The following CABCOCO1 variants were observed in gnomAD, a reference collection of about 807,000 sequenced individuals.
CABCOCO1 encodes ciliary associated calcium binding coiled-coil 1, also known as ciliary-associated calcium-binding coiled-coil protein 1.
In CABCOCO1, 28 loss-of-function variants were observed where a neutral mutation model predicts 35.7. The observed-to-expected ratio is 0.78, with a 90% CI of 0.58 to 1.07. CABCOCO1 has a LOEUF of 1.07. Among genes scored for constraint, CABCOCO1 ranks in the 50% least tolerant of loss-of-function variants. CABCOCO1 has a pLI of 0.00. For missense variants in CABCOCO1, 326 were observed against 309.2 expected, an observed-to-expected ratio of 1.05 and a Z score of -0.41; for synonymous variants, 95 against 100.1, an observed-to-expected ratio of 0.95 and a Z score of 0.30.
Position 61,680,685 on chromosome 10 carries a change from A to AT in CABCOCO1, c.165-457dup, listed in dbSNP as rs1839745665. 5.0e-5 allele frequency among the ~76,000 whole-genome samples: 4 copies of AT among 79,318 alleles called. 1 individual carries two copies. In the Admixed American group the frequency reaches 5.7e-4, roughly 11 times the overall value. The allele number at this position is 79,318 out of a possible 152,430, so 52.0% of individuals were successfully genotyped here. A position where few individuals can be genotyped will look rare whatever the true frequency, so the allele number is the denominator to read the frequency against. ...TACATGTATAACATATATGTTATAC[A>AT]TGTATAACATATATATGTTATACAT... On this transcript the variant is annotated intron_variant, in intron 2 of 7. Coordinates refer to ENST00000648843, the MANE Select transcript of CABCOCO1 (RefSeq NM_001366906.2).
chr10:61,729,174 C>T (rs1038397318), intron 5 of CABCOCO1, among the ~76,000 whole-genome samples: 4 of 151,996 alleles, frequency 2.6e-5, no homozygotes, highest in African/African-American at 7.3e-5. Flanking sequence ...CAGAACAATA[C>T]CTCATTAACA....
intron 7 of CABCOCO1, among the ~76,000 whole-genome samples, chr10:61,765,007 T>G (rs1842078297): frequency 6.6e-6 from 1 of 152,084 alleles, no homozygotes; most frequent in South Asian, 2.1e-4. Context: ...CTATCTAAAT[T>G]AAAATAATAA....
intron 7 of CABCOCO1, among the ~76,000 whole-genome samples, chr10:61,762,462 G>T (rs1842027474): frequency 6.6e-6 from 1 of 152,092 alleles, no homozygotes; most frequent in African/African-American, 2.4e-5. Flanking sequence ...CCAGAGGACA[G>T]GGATGCAGAA....
chr10:61,669,210 C>T (rs989962412), intron 1 of CABCOCO1, among the ~76,000 whole-genome samples: 1 of 151,482 alleles, frequency 6.6e-6, no homozygotes, highest in Non-Finnish European at 1.5e-5. Flanking sequence ...AGTTTACATT[C>T]TAGAAAGAAA....
chr10:61,700,583 T>C (rs1840422418), intron 5 of CABCOCO1, among the ~76,000 whole-genome samples: 1 of 151,888 alleles, frequency 6.6e-6, no homozygotes, highest in Non-Finnish European at 1.5e-5. Context: ...TTCCAGAGAG[T>C]GGTTTGGCAA....
chr10:61,728,394 T>C (rs963467162), intron 5 of CABCOCO1, among the ~76,000 whole-genome samples: 15 of 152,162 alleles, frequency 9.9e-5, no homozygotes, highest in Admixed American at 9.8e-4. Flanking sequence ...AGTTGGCCTG[T>C]CAGTCTTTGC....
In CABCOCO1 at chr10:61,686,191, G is replaced by A. The variant is rs559772025; in HGVS notation, c.479+6G>A. The A allele has an allele frequency of 1.3e-6, 2 of 1,540,696 alleles. No homozygotes were observed. Among genetic ancestry groups the A allele is most frequent in the East Asian group, 4.8e-5 (2 of 41,714 alleles). ...ATTGATTACTTAAAAATCAGGTATG[G>A]ATTATTTTCAGTAACATTTATTTTT... On this transcript the variant is annotated splice_donor_region_variant and intron_variant, in intron 4 of 7. Transcript: ENST00000648843.
intron 1 of CABCOCO1, among the ~76,000 whole-genome samples, chr10:61,671,415 G>T (rs1048956365): frequency 2.0e-5 from 3 of 152,082 alleles, no homozygotes; most frequent in South Asian, 2.1e-4. Context: ...GCTAAAACTA[G>T]ACTCTATTCA....
intron 5 of CABCOCO1, among the ~76,000 whole-genome samples, chr10:61,700,968 T>C (rs1564540335): frequency 9.4e-6 from 1 of 106,872 alleles, no homozygotes; most frequent in Non-Finnish European, 1.9e-5. Context: ...TACATACATG[T>C]ATACATATAC....
intron 5 of CABCOCO1, among the ~76,000 whole-genome samples, chr10:61,735,867 C>A (rs76988224): frequency 0.052 from 7,938 of 152,166 alleles, 737 homozygotes; most frequent in African/African-American, 0.18. Context: ...AGCTGAATCA[C>A]CTGAAGCGCT....
At chr10:61,676,713 A>C (rs576147844) in intron 2 of CABCOCO1, among the ~76,000 whole-genome samples, 1 of 152,178 alleles carries the variant, frequency 6.6e-6, no homozygotes, top group African/African-American at 2.4e-5. Flanking sequence ...AAAGTAACCT[A>C]TAGAGGACAT....
intron 5 of CABCOCO1, among the ~76,000 whole-genome samples, chr10:61,757,662 A>G (rs1841924905): frequency 6.7e-6 from 1 of 150,082 alleles, no homozygotes; most frequent in South Asian, 2.1e-4. Flanking sequence ...GGGAAGTTCC[A>G]AGTTTCCAAG....
At chr10:61,758,769 G>T (rs893996486) in intron 5 of CABCOCO1, among the ~76,000 whole-genome samples, 2 of 151,940 alleles carry the variant, frequency 1.3e-5, no homozygotes, top group Non-Finnish European at 2.9e-5. Flanking sequence ...GTTAGGACAC[G>T]TTGGGGCTTC....
chr10:61,757,700 GACACAC>G (rs67841126), intron 5 of CABCOCO1, among the ~76,000 whole-genome samples: 1 of 147,770 alleles, frequency 6.8e-6, no homozygotes, highest in Non-Finnish European at 1.5e-5. Flanking sequence ...CACACACACA[GACACAC>G]ACACACACAC....
chr10:61,727,599 G>C (rs1841189125), intron 5 of CABCOCO1, among the ~76,000 whole-genome samples: 1 of 152,070 alleles, frequency 6.6e-6, no homozygotes, highest in African/African-American at 2.4e-5. Context: ...AAAAAGCAAA[G>C]ATTTTTGCAT....
chr10:61,704,781 A>G (rs1230679352), intron 5 of CABCOCO1, among the ~76,000 whole-genome samples: 3 of 151,404 alleles, frequency 2.0e-5, no homozygotes, highest in Non-Finnish European at 2.9e-5. Context: ...CCCATATTTC[A>G]ATCATCCCCA....
chr10:61,680,599 C>A lies in CABCOCO1; in HGVS notation c.165-544C>A, dbSNP rs1255951205. On this transcript the variant is annotated intron_variant, in intron 2 of 7. Transcript: ENST00000648843. ...TATGTTATATATAACATATGTTATA[C>A]ATGTATAACATGTTATACATAACAT... Among the ~76,000 whole-genome samples, 5 of 10,532 alleles carry A rather than the reference C, an allele frequency of 4.7e-4. 1 individual carries two copies. The highest frequency in any genetic ancestry group is 8.9e-4 in the Non-Finnish European group (4 of 4,478). 6.9% of individuals were successfully genotyped at this position (10,532 alleles called of 152,430 possible).
chr10:61,674,919 A>G (rs1564530016), intron 2 of CABCOCO1, among the ~76,000 whole-genome samples: 1 of 152,186 alleles, frequency 6.6e-6, no homozygotes, highest in Non-Finnish European at 1.5e-5. Flanking sequence ...AATGAAAGTA[A>G]CTATATAAAC....
In CABCOCO1 at chr10:61,672,741, C is replaced by A. The variant is rs760539443; in HGVS notation, c.164+6C>A. The A allele has an allele frequency of 7.3e-5, 72 of 984,966 alleles. No individual in the cohort carries two copies. Among genetic ancestry groups the A allele is most frequent in the Non-Finnish European group, 7.8e-5 (65 of 829,664 alleles). The allele number at this position is 984,966 out of a possible 1,614,324, so 61.0% of individuals were successfully genotyped here. On this transcript the variant is annotated splice_donor_region_variant and intron_variant, in intron 2 of 7. Coordinates refer to ENST00000648843, the MANE Select transcript of CABCOCO1 (RefSeq NM_001366906.2). ...GACATCGATGGAGTTCAAGAGTAAG[C>A]ACTTCACTATTACAATCACATGTAG...
Sources: gnomAD v4.1 joint callset for allele counts (sites outside exome capture counted in the v4.1 genomes callset) on GRCh38, gnomAD v4.1.1 for gene constraint, MANE v1.5 for transcripts, NCBI Gene and HGNC (gene_info 2026-07-23, HGNC 2026-07-21) for gene names.